The following PDGFC variants were observed in gnomAD, a reference collection of about 807,000 sequenced individuals.
PDGFC encodes platelet-derived growth factor C.
A neutral mutation model predicts 35.5 loss-of-function variants in PDGFC; 12 were observed. The observed-to-expected ratio is 0.34, with a 90% CI of 0.22 to 0.55. The LOEUF (loss-of-function observed/expected upper bound fraction) is 0.55, where lower values mean the gene tolerates loss of function less well. PDGFC is among the 20% of genes least tolerant of loss of function. The probability of loss-of-function intolerance (pLI) is 0.91; values close to 1 mark genes in which losing one functional copy is unlikely to be tolerated. For missense variants in PDGFC, 322 were observed against 412.4 expected, an observed-to-expected ratio of 0.78 and a Z score of 1.90; for synonymous variants, 159 against 148.8, an observed-to-expected ratio of 1.07 and a Z score of -0.50.
intron 2 of PDGFC, among the ~76,000 whole-genome samples, chr4:156,846,032 CACATTGTGA>C (rs1407411964): frequency 6.6e-6 from 1 of 151,596 alleles, no homozygotes; most frequent in Non-Finnish European, 1.5e-5. Flanking sequence ...CTAATAAGGA[CACATTGTGA>C]AAATACTAAT....
chr4:156,933,470 C>T (rs1731601014), intron 1 of PDGFC, among the ~76,000 whole-genome samples: 1 of 152,188 alleles, frequency 6.6e-6, no homozygotes, highest in African/African-American at 2.4e-5. Context: ...CCTTCTTGTT[C>T]CAACTCCCAA....
In PDGFC at chr4:156,971,005, A is replaced by C. The variant is rs1036811386; in HGVS notation, c.-102T>G. 24 of 730,302 alleles carry C rather than the reference A, an allele frequency of 3.3e-5. No individual in the cohort carries two copies. In the Admixed American group the frequency reaches 5.0e-4, roughly 15 times the overall value. 45.2% of individuals were successfully genotyped at this position (730,302 alleles called of 1,614,324 possible). On this transcript the variant is annotated 5_prime_UTR_variant, in exon 1 of 6. Coordinates refer to ENST00000502773, the MANE Select transcript of PDGFC (RefSeq NM_016205.3). The stretch of plus-strand genomic sequence containing the variant: ...CAGGGGAAGGCTGCACTGGGGTGGA[A>C]GCGCCGAGCCTGCTCTGGCAGCAGA...
rs191322090 is a variant in PDGFC at position 156,761,970 on chromosome 4, A to G, written c.*1120T>C. On this transcript the variant is annotated 3_prime_UTR_variant, in exon 6 of 6. Transcript: ENST00000502773. ...CTGAGCTAGGCTCAGATTTCCCCAA[A>G]AAAGGAATAGGTTAGTAATGGCTGG... 8.5e-5 allele frequency: 13 copies of G among 152,752 alleles called. No individual in the cohort carries two copies. Among genetic ancestry groups the G allele is most frequent in the African/African-American group, 3.1e-4 (13 of 41,580 alleles). The allele number at this position is 152,752 out of a possible 1,614,324, so 9.5% of individuals were successfully genotyped here.
chr4:156,796,308 T>C (rs537481821), intron 3 of PDGFC, among the ~76,000 whole-genome samples: 4 of 152,142 alleles, frequency 2.6e-5, no homozygotes, highest in African/African-American at 9.6e-5. Flanking sequence ...TCTTTTTATA[T>C]AATATTTTTA....
chr4:156,766,028 T>C (rs950768547), intron 5 of PDGFC, among the ~76,000 whole-genome samples: 1 of 152,134 alleles, frequency 6.6e-6, no homozygotes, highest in Admixed American at 6.6e-5. Flanking sequence ...CAAACAAATG[T>C]TAGGTTCAAA....
At chr4:156,903,401 A>T (rs1231538027) in intron 1 of PDGFC, among the ~76,000 whole-genome samples, 1 of 152,092 alleles carries the variant, frequency 6.6e-6, no homozygotes, top group African/African-American at 2.4e-5. Flanking sequence ...GTGATGGCAC[A>T]AAGAGCTGAC....
chr4:156,829,881 A>C (rs113127508), intron 2 of PDGFC, among the ~76,000 whole-genome samples: 11 of 152,228 alleles, frequency 7.2e-5, no homozygotes, highest in African/African-American at 2.6e-4. Context: ...ATCACTTCTC[A>C]ATTTTATTAA....
intron 3 of PDGFC, among the ~76,000 whole-genome samples, chr4:156,793,564 A>ATATATAT (rs1553965210): frequency 2.5e-4 from 29 of 117,804 alleles, no homozygotes; most frequent in African/African-American, 8.0e-4. Context: ...TATATATATA[A>ATATATAT]AACACTTTAA....
At chr4:156,867,553 T>C (rs1036015619) in intron 1 of PDGFC, among the ~76,000 whole-genome samples, 1 of 152,236 alleles carries the variant, frequency 6.6e-6, no homozygotes, top group African/African-American at 2.4e-5. Context: ...TGTACTTATC[T>C]GTCAATTCAA....
chr4:156,821,638 C>G (rs564083812), intron 2 of PDGFC, among the ~76,000 whole-genome samples: 1 of 152,278 alleles, frequency 6.6e-6, no homozygotes, highest in Non-Finnish European at 1.5e-5. Context: ...ATCTCTGCCT[C>G]CTGGCTTCAA....
chr4:156,930,869 A>C (rs1731535451), intron 1 of PDGFC, among the ~76,000 whole-genome samples: 3 of 152,340 alleles, frequency 2.0e-5, no homozygotes, highest in African/African-American at 7.2e-5. Flanking sequence ...TGTCTCAAAA[A>C]AATAAATAAA....
chr4:156,810,770 A>G (rs1013016315), intron 3 of PDGFC, 67 bp downstream of exon 3: 1 of 976,254 alleles, frequency 1.0e-6, no homozygotes, highest in African/African-American at 1.7e-5. Flanking sequence ...CATGTGTAAG[A>G]GGAGAAAAAT....
At chr4:156,813,576 A>G (rs1292621449) in intron 2 of PDGFC, among the ~76,000 whole-genome samples, 2 of 152,128 alleles carry the variant, frequency 1.3e-5, no homozygotes, top group African/African-American at 4.8e-5. Flanking sequence ...AGTACAATAC[A>G]TAAGATGTAA....
intron 1 of PDGFC, among the ~76,000 whole-genome samples, chr4:156,944,884 C>T (rs1435357025): frequency 6.6e-6 from 1 of 151,768 alleles, no homozygotes; most frequent in African/African-American, 2.4e-5. Context: ...GAACACAATC[C>T]CCCTTGCTGA....
At chr4:156,830,930 T>A (rs940335270) in intron 2 of PDGFC, among the ~76,000 whole-genome samples, 12 of 152,200 alleles carry the variant, frequency 7.9e-5, no homozygotes, top group African/African-American at 2.7e-4. Context: ...GATTGCAATG[T>A]CTTTGCAGCA....
At position 156,811,029 on chromosome 4, in the gene PDGFC, C is replaced by T. The variant is rs994287034; in HGVS notation, c.315-12G>A. On this transcript the variant is annotated splice_polypyrimidine_tract_variant and intron_variant, in intron 2 of 5. Transcript: ENST00000502773. The stretch of plus-strand genomic sequence containing the variant: ...CTACAAAATCATACCTGCAAAAAGA[C>T]AAAGGGAAAGAGACATCATTTCATA... 6.5e-7 allele frequency: 1 copy of T among 1,537,894 alleles called. No individual in the cohort carries two copies. The highest frequency in any genetic ancestry group is 8.8e-7 in the Non-Finnish European group (1 of 1,136,760).
At chr4:156,961,968 C>A (rs997144317) in intron 1 of PDGFC, among the ~76,000 whole-genome samples, 3 of 152,100 alleles carry the variant, frequency 2.0e-5, no homozygotes, top group African/African-American at 7.2e-5. Flanking sequence ...TCCAAACATG[C>A]CTGATGACTG....
Position 156,783,812 on chromosome 4 carries a change from G to C in PDGFC, c.496-10919C>G, listed in dbSNP as rs757002575. On this transcript the variant is annotated intron_variant, in intron 3 of 5. Coordinates refer to ENST00000502773, the MANE Select transcript of PDGFC (RefSeq NM_016205.3). ...AAGTGCTAAAAAGAGTATGCTTTATGATCTGATTGATTACCACCATTGAGG... is the reference window on the plus strand; with the variant it reads ...AAGTGCTAAAAAGAGTATGCTTTATCATCTGATTGATTACCACCATTGAGG... Among the ~76,000 whole-genome samples the C allele has an allele frequency of 2.0e-5, 3 of 152,270 alleles. No homozygotes were observed. In the South Asian group the frequency reaches 6.2e-4, roughly 32 times the overall value.
intron 1 of PDGFC, among the ~76,000 whole-genome samples, chr4:156,966,340 A>G (rs1044675091): frequency 1.3e-5 from 2 of 152,202 alleles, no homozygotes; most frequent in African/African-American, 4.8e-5. Flanking sequence ...ATGCTTCCAA[A>G]TTAGAAACAT....
Sources: gnomAD v4.1 joint callset for allele counts (sites outside exome capture counted in the v4.1 genomes callset) on GRCh38, gnomAD v4.1.1 for gene constraint, MANE v1.5 for transcripts, NCBI Gene and HGNC (gene_info 2026-07-23, HGNC 2026-07-21) for gene names.